Variants in POTEH observed in about 807,000 individuals in gnomAD.
POTEH encodes the protein ANKRD26-like family C member 3.
In POTEH, 6 loss-of-function variants were observed where a neutral mutation model predicts 41.7. The ratio of observed to expected loss-of-function variants is 0.14; its 90% CI spans 0.08 to 0.28. POTEH has a LOEUF of 0.28. Ranked by LOEUF, POTEH falls within the 10% of genes least tolerant of loss-of-function variation. The pLI is 1.00. For missense variants in POTEH, 115 were observed against 533.5 expected, an observed-to-expected ratio of 0.22 and a Z score of 7.73; for synonymous variants, 38 against 179.9, an observed-to-expected ratio of 0.21 and a Z score of 6.31.
intron 9 of POTEH, among the ~76,000 whole-genome samples, chr22:15,713,529 T>C: frequency 6.6e-6 from 1 of 152,270 alleles, no homozygotes; most frequent in Non-Finnish European, 1.5e-5. Flanking sequence ...AGATGAAGTC[T>C]GGCTTTGTCC....
intron 1 of POTEH, among the ~76,000 whole-genome samples, chr22:15,691,210 A>C (rs1989300580): frequency 7.1e-6 from 1 of 140,154 alleles, no homozygotes; most frequent in African/African-American, 2.6e-5. Context: ...CTTGAATAGG[A>C]AGATTGAATT....
At chr22:15,697,397 G>C in intron 3 of POTEH, 1 of 155,540 alleles carries the variant, frequency 6.4e-6, no homozygotes, top group Non-Finnish European at 1.1e-5. Context: ...CTGTTTCCCA[G>C]GCTGGAGTGC....
At chr22:15,691,726 T>C (rs1481889225) in intron 1 of POTEH, among the ~76,000 whole-genome samples, 2 of 146,798 alleles carry the variant, frequency 1.4e-5, no homozygotes, top group African/African-American at 4.9e-5. Context: ...ACAAATTGTT[T>C]ACTAACAGCT....
intron 9 of POTEH, among the ~76,000 whole-genome samples, chr22:15,713,435 C>T (rs1292496502): frequency 2.8e-4 from 43 of 152,202 alleles, no homozygotes; most frequent in African/African-American, 1.0e-3. Context: ...TTGCTTGCTC[C>T]TCCTCATCTT....
At chr22:15,697,125 G>A (rs1469354017) in intron 3 of POTEH, among the ~76,000 whole-genome samples, 1 of 145,246 alleles carries the variant, frequency 6.9e-6, no homozygotes, top group East Asian at 2.3e-4. Flanking sequence ...TCAGGAGTTC[G>A]AGTCTAGCCT....
chr22:15,692,527 A>T (rs1055923014), intron 1 of POTEH, among the ~76,000 whole-genome samples: 1 of 135,400 alleles, frequency 7.4e-6, no homozygotes, highest in African/African-American at 2.6e-5. Context: ...AGGCTGAGGC[A>T]GGTGGATCAT....
intron 9 of POTEH, among the ~76,000 whole-genome samples, chr22:15,713,441 A>C (rs1283193277): frequency 6.6e-6 from 1 of 152,076 alleles, no homozygotes; most frequent in African/African-American, 2.4e-5. Flanking sequence ...GCTCCTCCTC[A>C]TCTTTCTCCT....
chr22:15,713,817 C>T (rs1449193681), intron 9 of POTEH, among the ~76,000 whole-genome samples: 1 of 152,300 alleles, frequency 6.6e-6, no homozygotes, highest in African/African-American at 2.4e-5. Flanking sequence ...ACTTTTTCTA[C>T]TGTATATATG....
At chr22:15,709,885 CA>C (rs1168218590) in intron 8 of POTEH, 59 bp downstream of exon 8, 4 of 97,996 alleles carry the variant, frequency 4.1e-5, no homozygotes, top group African/African-American at 2.4e-4. Context: ...TGTTGTTTAA[CA>C]AAGTGTAGTA....
chr22:15,717,148 G>A (rs1420587102), intron 9 of POTEH, among the ~76,000 whole-genome samples: 1 of 91,224 alleles, frequency 1.1e-5, no homozygotes, highest in African/African-American at 3.4e-5. Context: ...TATGTGATGT[G>A]AGATATATAT....
chr22:15,693,018 A>G (rs1348870730), intron 1 of POTEH, among the ~76,000 whole-genome samples: 1 of 126,052 alleles, frequency 7.9e-6, no homozygotes, highest in African/African-American at 2.8e-5. Flanking sequence ...GATTTCATGA[A>G]CAAATTTCAG....
intron 9 of POTEH, among the ~76,000 whole-genome samples, chr22:15,713,411 C>A (rs1170989997): frequency 1.3e-5 from 2 of 152,404 alleles, no homozygotes; most frequent in East Asian, 1.9e-4. Flanking sequence ...CTAGTCCATT[C>A]ATCACGGTCT....
Position 15,691,567 on chromosome 22 carries a change from C to G in POTEH, c.632+858C>G, listed in dbSNP as rs375335429. On this transcript the variant is annotated intron_variant, in intron 1 of 10. Coordinates refer to ENST00000343518, the MANE Select transcript of POTEH (RefSeq NM_001136213.1). ...AAAAGTGAGCTTTTTCTATTTATCACTTTTACTTAAGCCAAATAAAAATAG... is the reference window on the plus strand; with the variant it reads ...AAAAGTGAGCTTTTTCTATTTATCAGTTTTACTTAAGCCAAATAAAAATAG... Among the ~76,000 whole-genome samples, 28 of 139,394 alleles carry G rather than the reference C, an allele frequency of 2.0e-4. No homozygotes were observed. In the East Asian group the frequency reaches 5.7e-3, roughly 28 times the overall value. The allele number at this position is 139,394 out of a possible 152,430, so 91.4% of individuals were successfully genotyped here.
intron 9 of POTEH, among the ~76,000 whole-genome samples, chr22:15,712,852 A>C (rs1486414624): frequency 6.8e-6 from 1 of 147,210 alleles, no homozygotes; most frequent in Non-Finnish European, 1.5e-5. Context: ...TGAGACCTTT[A>C]GTATTTCTTG....
At chr22:15,714,019 A>G (rs1408856756) in intron 9 of POTEH, among the ~76,000 whole-genome samples, 1 of 152,126 alleles carries the variant, frequency 6.6e-6, no homozygotes, top group African/African-American at 2.4e-5. Context: ...CCTGAAATCT[A>G]CACCTCATGT....
intron 1 of POTEH, among the ~76,000 whole-genome samples, chr22:15,693,161 T>A (rs1205779470): frequency 7.3e-6 from 1 of 136,854 alleles, no homozygotes; most frequent in East Asian, 2.0e-4. Flanking sequence ...ACGAACAGAA[T>A]CTGCTCTTGT....
intron 9 of POTEH, among the ~76,000 whole-genome samples, chr22:15,714,151 G>T (rs551218675): frequency 1.4e-3 from 183 of 134,688 alleles, no homozygotes; most frequent in Non-Finnish European, 2.2e-3. Context: ...AGTAAATCTC[G>T]TCAGGTCTAC....
chr22:15,690,517 G>C lies in POTEH; in HGVS notation c.440G>C (p.Arg147Thr), dbSNP rs775126936. The C allele has an allele frequency of 7.1e-7, 1 of 1,414,618 alleles. No individual in the cohort carries two copies. Among genetic ancestry groups the C allele is most frequent in the Non-Finnish European group, 9.8e-7 (1 of 1,020,494 alleles). 87.6% of individuals were successfully genotyped at this position (1,414,618 alleles called of 1,614,324 possible). The change falls in exon 1 of 11, where the codon AGG (arginine) becomes ACG (threonine). Residue 147 changes from arginine (R) to threonine (T), a missense_variant. By Grantham distance (71) the Arg-to-Thr change is moderately conservative. Transcript: ENST00000343518. ...TGCTGCCACTGCTTCCCCTGCTGCA[G>C]GGGGAGCGGCAAGAACAAAGTGGGC... The part of the protein sequence containing the change: ...KWCCHCFPCC[R>T]GSGKNKVGPW...
At chr22:15,693,385 T>C (rs1384168353) in intron 1 of POTEH, among the ~76,000 whole-genome samples, 3 of 152,062 alleles carry the variant, frequency 2.0e-5, no homozygotes, top group Non-Finnish European at 4.4e-5. Context: ...ATTTCTGTGG[T>C]TGGCTATCTA....
Sources: gnomAD v4.1 joint callset for allele counts (sites outside exome capture counted in the v4.1 genomes callset) on GRCh38, gnomAD v4.1.1 for gene constraint, MANE v1.5 for transcripts, NCBI Gene and HGNC (gene_info 2026-07-23, HGNC 2026-07-21) for gene names.